Variants in MYO16 observed in about 807,000 individuals in gnomAD.
MYO16 encodes unconventional myosin-XVI.
MYO16 carries 94 observed loss-of-function variants against 205.3 expected under a neutral mutation model. The ratio of observed to expected loss-of-function variants is 0.46; its 90% CI spans 0.39 to 0.54. The LOEUF (loss-of-function observed/expected upper bound fraction) is 0.54. Among genes scored for constraint, MYO16 ranks in the 20% least tolerant of loss-of-function variants. The pLI is 0.00. For missense variants in MYO16, 2,315 were observed against 2,387.5 expected (o/e 0.97, Z 0.63); for synonymous variants, 988 against 954.0 (o/e 1.04, Z -0.66).
upstream of MYO16, among the ~76,000 whole-genome samples, chr13:108,595,669 T>A (rs1300380455): frequency 6.6e-6 from 1 of 152,114 alleles, no homozygotes; most frequent in Non-Finnish European, 1.5e-5. Context: ...GACTTGGCCC[T>A]AAGCAGCCTC....
Position 109,140,472 on chromosome 13 carries a change from G to T in MYO16, c.4260G>T (p.Pro1420=). 6.5e-7 allele frequency: 1 copy of T among 1,538,464 alleles called. No homozygotes were observed. Among genetic ancestry groups the T allele is most frequent in the South Asian group, 1.2e-5 (1 of 84,500 alleles). The change falls in exon 32 of 35, where the codon CCG becomes CCT. Residue 1420 remains proline (P), a synonymous_variant. Transcript: ENST00000457511. The surrounding 1 kb of genome is among the most constrained non-coding windows in gnomAD (Gnocchi z 8.0). ...TPGTPQCALP[P]AAPPGDEDDS... The stretch of plus-strand genomic sequence containing the variant: ...GGACTCCGCAGTGCGCGCTGCCCCC[G>T]GCGGCGCCTCCGGGTGACGAGGACG...
the MYO16 span, among the ~76,000 whole-genome samples, chr13:108,543,510 C>T: frequency 5.9e-5 from 9 of 151,676 alleles, no homozygotes; most frequent in East Asian, 1.6e-3. Flanking sequence ...GGCGTGGTGG[C>T]GGGCGCCTGT....
rs577415914 is a variant in MYO16, at chr13:109,202,158, T to C, written c.5416-4451T>C. On this transcript the variant is annotated intron_variant, in intron 34 of 34. Coordinates refer to ENST00000457511, the MANE Select transcript of MYO16 (RefSeq NM_001198950.3). ...TTTGCAATTGCGAATTGTGCTGCTA[T>C]AAACATGCATGTGCACGTATTTTTT... Among the ~76,000 whole-genome samples the C allele has an allele frequency of 1.6e-4, 24 of 152,316 alleles. No individual in the cohort carries two copies. In the South Asian group the frequency reaches 5.0e-3, roughly 32 times the overall value.
chr13:108,586,347 T>A, the MYO16 span, among the ~76,000 whole-genome samples: 1,813 of 152,008 alleles, frequency 0.012, 29 homozygotes, highest in African/African-American at 0.039. Flanking sequence ...ACTATTTTTT[T>A]AAAAAATATA....
At chr13:108,964,646 A>C in intron 19 of MYO16, 115 bp from the exon 20 acceptor site, 1 of 1,118,274 alleles carries the variant, frequency 8.9e-7, no homozygotes, top group East Asian at 2.4e-5. Flanking sequence ...TATAATTTTT[A>C]TACATCACTT....
intron 2 of MYO16, among the ~76,000 whole-genome samples, chr13:108,710,641 C>A (rs1261787652): frequency 1.3e-5 from 2 of 152,160 alleles, no homozygotes; most frequent in African/African-American, 4.8e-5. Flanking sequence ...TGACAAAAAA[C>A]TGAGACATAA....
chr13:108,868,534 T>TC (rs1411649059), intron 12 of MYO16, among the ~76,000 whole-genome samples: 2 of 152,194 alleles, frequency 1.3e-5, no homozygotes, highest in Non-Finnish European at 2.9e-5. Flanking sequence ...CATTCTGGAT[T>TC]CTCAATGCAT....
chr13:109,026,160 G>A (rs1886354472), intron 23 of MYO16, among the ~76,000 whole-genome samples: 1 of 152,158 alleles, frequency 6.6e-6, no homozygotes, highest in East Asian at 1.9e-4. Context: ...GGGCTGAACG[G>A]GAGCCCTCCG....
intron 10 of MYO16, among the ~76,000 whole-genome samples, chr13:108,848,144 T>G (rs1297251777): frequency 1.3e-5 from 2 of 152,074 alleles, no homozygotes; most frequent in African/African-American, 4.8e-5. Flanking sequence ...TGACAGGAGA[T>G]GGATGTATTA....
At chr13:109,047,559 CTG>C (rs762402183) in intron 24 of MYO16, among the ~76,000 whole-genome samples, 5 of 152,074 alleles carry the variant, frequency 3.3e-5, no homozygotes, top group Non-Finnish European at 5.9e-5. Context: ...ATATACAAGA[CTG>C]TATACAAAAT....
chr13:109,195,962 T>C (rs1283867600), intron 34 of MYO16, among the ~76,000 whole-genome samples: 1 of 152,200 alleles, frequency 6.6e-6, no homozygotes, highest in Non-Finnish European at 1.5e-5. Context: ...TTAGTAAATA[T>C]ATAAATAATC....
intron 11 of MYO16, among the ~76,000 whole-genome samples, chr13:108,856,950 A>C (rs529943088): frequency 6.6e-6 from 1 of 152,310 alleles, no homozygotes; most frequent in African/African-American, 2.4e-5. Context: ...ACCACTTTTC[A>C]TGGAACAAAG....
At chr13:108,951,746 G>A (rs1883158154) in intron 16 of MYO16, among the ~76,000 whole-genome samples, 1 of 152,140 alleles carries the variant, frequency 6.6e-6, no homozygotes, top group African/African-American at 2.4e-5. Flanking sequence ...ATATTAACTA[G>A]TCTCCTTCAG....
intron 27 of MYO16, among the ~76,000 whole-genome samples, chr13:109,083,814 A>G (rs923619820): frequency 6.6e-6 from 1 of 152,224 alleles, no homozygotes; most frequent in Non-Finnish European, 1.5e-5. Flanking sequence ...CAAGGGCACC[A>G]GCATCATACC....
At chr13:108,747,363 A>C (rs887983092) in intron 4 of MYO16, among the ~76,000 whole-genome samples, 1 of 152,204 alleles carries the variant, frequency 6.6e-6, no homozygotes, top group Non-Finnish European at 1.5e-5. Context: ...GGATAAGTAA[A>C]ACGAATGACT....
chr13:109,025,492 C>A (rs1886334168), intron 23 of MYO16, among the ~76,000 whole-genome samples: 1 of 152,178 alleles, frequency 6.6e-6, no homozygotes, highest in South Asian at 2.1e-4. Context: ...AATATTAACA[C>A]AGTCTCATTA....
At chr13:108,822,756 T>C (rs1473819780) in intron 8 of MYO16, among the ~76,000 whole-genome samples, 1 of 152,116 alleles carries the variant, frequency 6.6e-6, no homozygotes, top group South Asian at 2.1e-4. Flanking sequence ...GATGGGAAAG[T>C]GTAACTCTTT....
chr13:108,525,181 G>T, the MYO16 span, among the ~76,000 whole-genome samples: 5 of 152,200 alleles, frequency 3.3e-5, no homozygotes, highest in South Asian at 1.0e-3. Flanking sequence ...AGTGCTTACA[G>T]GGGAAACCAA....
At chr13:108,996,483 A>T (rs1885006819) in intron 21 of MYO16, among the ~76,000 whole-genome samples, 1 of 152,112 alleles carries the variant, frequency 6.6e-6, no homozygotes, top group Admixed American at 6.5e-5. Context: ...ATTATTATTT[A>T]TTGGATTATG....
Sources: gnomAD v4.1 joint callset for allele counts (sites outside exome capture counted in the v4.1 genomes callset) on GRCh38, gnomAD v4.1.1 for gene constraint, Gnocchi (gnomAD v3.1) non-coding constraint, MANE v1.5 for transcripts, NCBI Gene and HGNC (gene_info 2026-07-23, HGNC 2026-07-21) for gene names.